PPM1G: variants seen among roughly 807,000 people sequenced by gnomAD.
PPM1G encodes the protein protein phosphatase 1G.
Under a neutral mutation model 59.4 loss-of-function variants are expected in PPM1G, and 12 were observed. The observed-to-expected ratio is 0.20, with a 90% CI of 0.13 to 0.33. The LOEUF is 0.33. Ranked by LOEUF, PPM1G falls within the 10% of genes least tolerant of loss-of-function variation. PPM1G has a pLI of 1.00. For synonymous variants in PPM1G, 245 were observed against 251.9 expected (o/e 0.97, Z 0.26); for missense variants, 392 against 681.3 (o/e 0.58, Z 4.73).
At chr2:27,406,723 T>TAG (rs1663379095) in intron 1 of PPM1G, among the ~76,000 whole-genome samples, 1 of 151,822 alleles carries the variant, frequency 6.6e-6, no homozygotes, top group African/African-American at 2.4e-5. Flanking sequence ...AAACACTGAG[T>TAG]AGCCAAGCAA....
Position 27,409,447 on chromosome 2 carries a change from G to A in PPM1G, c.-25C>T. Reference sequence around the variant, plus strand: ...TGGCGGCGGCTGGCCGGCGGCCTCAGGTGCAGGAAAGCTGGGCGCGACCCG... The same window carrying A: ...TGGCGGCGGCTGGCCGGCGGCCTCAAGTGCAGGAAAGCTGGGCGCGACCCG... On this transcript the variant is annotated 5_prime_UTR_variant, in exon 1 of 10. Coordinates refer to ENST00000344034, the MANE Select transcript of PPM1G (RefSeq NM_177983.3). The A allele has an allele frequency of 6.7e-7, 1 of 1,490,754 alleles. No homozygotes were observed. The highest frequency in any genetic ancestry group is 2.4e-5 in the Admixed American group (1 of 42,466). 92.3% of individuals were successfully genotyped at this position (1,490,754 alleles called of 1,614,324 possible).
chr2:27,388,177 A>C (rs1181031940), intron 1 of PPM1G, among the ~76,000 whole-genome samples: 1 of 150,838 alleles, frequency 6.6e-6, no homozygotes, highest in Non-Finnish European at 1.5e-5. Flanking sequence ...TTGGGAGGCT[A>C]AGGCCGGCAG....
chr2:27,384,654 TGCCCTCACAG>T lies in PPM1G; in HGVS notation c.825+9_825+18del, dbSNP rs778317158. On this transcript the variant is annotated intron_variant, in intron 5 of 9. Coordinates refer to ENST00000344034, the MANE Select transcript of PPM1G (RefSeq NM_177983.3). The surrounding 1 kb of genome is among the most constrained non-coding windows in gnomAD (Gnocchi z 4.8). ...CCTCTCTGCAACTTCAGCATCTGCCTGCCCTCACAGGCCCTTACCTCACTGTCTTCCTCTT... is the reference window on the plus strand; with the variant it reads ...CCTCTCTGCAACTTCAGCATCTGCCTGCCCTTACCTCACTGTCTTCCTCTT... The T allele has an allele frequency of 2.5e-6, 4 of 1,580,206 alleles. No individual in the cohort carries two copies. The highest frequency in any genetic ancestry group is 1.4e-5 in the African/African-American group (1 of 73,976).
At chr2:27,398,629 C>G (rs977513247) in intron 1 of PPM1G, among the ~76,000 whole-genome samples, 1 of 151,730 alleles carries the variant, frequency 6.6e-6, no homozygotes, top group Non-Finnish European at 1.5e-5. Context: ...CGAGACTATC[C>G]TGGCCAACAT....
rs1414122955 is a variant in PPM1G, at chr2:27,409,548, A to T, written c.-126T>A. 1.6e-6 allele frequency: 2 copies of T among 1,231,680 alleles called. No homozygotes were observed. The highest frequency in any genetic ancestry group is 2.1e-6 in the Non-Finnish European group (2 of 959,084). The allele number at this position is 1,231,680 out of a possible 1,614,324, so 76.3% of individuals were successfully genotyped here. ...CGCGACCGACGCAAGGTGCCGGTGA[A>T]AGGCGCGAGGCCGGCCAGGAGGCGG... On this transcript the variant is annotated 5_prime_UTR_variant, in exon 1 of 10. Coordinates refer to ENST00000344034, the MANE Select transcript of PPM1G (RefSeq NM_177983.3).
Position 27,383,641 on chromosome 2 carries a change from A to C in PPM1G, c.967-41T>G. 1.3e-6 allele frequency: 2 copies of C among 1,545,782 alleles called. No individual in the cohort carries two copies. The highest frequency in any genetic ancestry group is 1.8e-6 in the Non-Finnish European group (2 of 1,135,828). ...AGGAGCATCATGGGGGCTTCTGAAC[A>C]TGCGTTCCTCACTGATGTGCTCCTG... is the stretch of plus-strand genomic sequence containing the variant. On this transcript the variant is annotated intron_variant, in intron 6 of 9. Transcript: ENST00000344034. This position sits in a 1 kb window ranked among gnomAD's most constrained non-coding sequence, Gnocchi z 5.0.
intron 1 of PPM1G, among the ~76,000 whole-genome samples, chr2:27,402,170 A>G (rs1684193339): frequency 6.6e-6 from 1 of 152,238 alleles, no homozygotes; most frequent in Non-Finnish European, 1.5e-5. Flanking sequence ...CTAGATCTAG[A>G]AAGAAACAAA....
chr2:27,401,220 A>C lies in PPM1G; in HGVS notation c.120+8083T>G, dbSNP rs570304163. ...GTATGTGTGATTTTTTTAAAAAGAA[A>C]CTTACAGGCAAAGCTGAGGGGTAGA... On this transcript the variant is annotated intron_variant, in intron 1 of 9. Coordinates refer to ENST00000344034, the MANE Select transcript of PPM1G (RefSeq NM_177983.3). Among the ~76,000 whole-genome samples the C allele has an allele frequency of 2.2e-4, 33 of 152,348 alleles. 1 individual carries two copies. The highest frequency in any genetic ancestry group is 7.5e-4 in the African/African-American group (31 of 41,570).
At chr2:27,400,748 G>C (rs1420963116) in intron 1 of PPM1G, among the ~76,000 whole-genome samples, 1 of 152,180 alleles carries the variant, frequency 6.6e-6, no homozygotes, top group Non-Finnish European at 1.5e-5. Flanking sequence ...AAGTGAGGAA[G>C]GTTCCAACAG....
chr2:27,409,170 G>C (rs1231361822), intron 1 of PPM1G, 133 bp downstream of exon 1: 56 of 1,297,610 alleles, frequency 4.3e-5, no homozygotes, highest in Non-Finnish European at 5.4e-5. Context: ...GGTCTCTGTC[G>C]CCCCGCAAAC....
intron 1 of PPM1G, among the ~76,000 whole-genome samples, chr2:27,403,270 C>G (rs1419260482): frequency 6.6e-6 from 1 of 151,616 alleles, no homozygotes; most frequent in Non-Finnish European, 1.5e-5. Context: ...ATGGGAAAAC[C>G]CCTTCTCTAC....
At position 27,409,288 on chromosome 2, in the gene PPM1G, C is replaced by A. The variant is rs1306719076; in HGVS notation, c.120+15G>T. Reference sequence around the variant, plus strand: ...CGCCCCGCAGCGGCCAGCCTATGGGCCCCTGCCTCCTCACCTCCATGGAGA... The same window carrying A: ...CGCCCCGCAGCGGCCAGCCTATGGGACCCTGCCTCCTCACCTCCATGGAGA... On this transcript the variant is annotated intron_variant, in intron 1 of 9. Transcript: ENST00000344034. The A allele has an allele frequency of 8.4e-6, 13 of 1,553,776 alleles. No individual in the cohort carries two copies. The highest frequency in any genetic ancestry group is 1.7e-6 in the Non-Finnish European group (2 of 1,151,172).
intron 1 of PPM1G, among the ~76,000 whole-genome samples, chr2:27,396,604 G>C (rs903988198): frequency 4.0e-5 from 6 of 151,692 alleles, no homozygotes; most frequent in Admixed American, 2.0e-4. Flanking sequence ...CACTTGAGGT[G>C]AGGAGTTAGA....
intron 1 of PPM1G, among the ~76,000 whole-genome samples, chr2:27,395,402 A>C (rs966310591): frequency 1.1e-4 from 16 of 151,510 alleles, no homozygotes; most frequent in Admixed American, 2.6e-4. Flanking sequence ...GTGGTGGTAC[A>C]CCTGTAATCC....
At position 27,382,357 on chromosome 2, in the gene PPM1G, GCTCTT is replaced by G; in HGVS notation, c.1331+114_1331+118del. On this transcript the variant is annotated intron_variant, in intron 8 of 9. Coordinates refer to ENST00000344034, the MANE Select transcript of PPM1G (RefSeq NM_177983.3). This position sits in a 1 kb window ranked among gnomAD's most constrained non-coding sequence, Gnocchi z 4.2. ...TTCTCAGCTCTGCCTTAGTCTGGGT[GCTCTT>G]CACCCACCAAGAGGCCTAGGTCTGC... is the stretch of plus-strand genomic sequence containing the variant. 6.4e-7 allele frequency: 1 copy of G among 1,556,034 alleles called. No individual in the cohort carries two copies. The highest frequency in any genetic ancestry group is 8.8e-7 in the Non-Finnish European group (1 of 1,139,266).
At chr2:27,395,984 A>C (rs1355535329) in intron 1 of PPM1G, among the ~76,000 whole-genome samples, 1 of 152,208 alleles carries the variant, frequency 6.6e-6, no homozygotes, top group Non-Finnish European at 1.5e-5. Flanking sequence ...GAAAAACAAC[A>C]TGGAGGCTGG....
At chr2:27,386,351 G>T (rs1349927385) in intron 2 of PPM1G, 72 bp from the exon 3 acceptor site, 4 of 1,144,430 alleles carry the variant, frequency 3.5e-6, no homozygotes, top group Non-Finnish European at 5.3e-6. Context: ...ATATTTATAT[G>T]CCATACTGGA....
chr2:27,386,349 A>G, intron 2 of PPM1G, 70 bp from the exon 3 acceptor site: 1 of 1,160,572 alleles, frequency 8.6e-7, no homozygotes, highest in South Asian at 1.2e-5. Flanking sequence ...CAATATTTAT[A>G]TGCCATACTG....
intron 1 of PPM1G, among the ~76,000 whole-genome samples, chr2:27,401,839 AAAG>A (rs1452664155): frequency 2.0e-5 from 3 of 152,108 alleles, no homozygotes; most frequent in Admixed American, 6.6e-5. Flanking sequence ...AAAAAGAAAA[AAAG>A]AAGAAAAAAA....
Sources: gnomAD v4.1 joint callset for allele counts (sites outside exome capture counted in the v4.1 genomes callset) on GRCh38, gnomAD v4.1.1 for gene constraint, Gnocchi (gnomAD v3.1) non-coding constraint, MANE v1.5 for transcripts, NCBI Gene and HGNC (gene_info 2026-07-23, HGNC 2026-07-21) for gene names.